The following CTNNBL1 variants were observed in gnomAD, a reference collection of about 807,000 sequenced individuals.
CTNNBL1 encodes beta-catenin-like protein 1.
Under a neutral mutation model 72.7 loss-of-function variants are expected in CTNNBL1, and 31 were observed. The ratio of observed to expected loss-of-function variants is 0.43; its 90% CI spans 0.32 to 0.58. The LOEUF is 0.58. Among genes scored for constraint, CTNNBL1 ranks in the 20% least tolerant of loss-of-function variants. The probability of loss-of-function intolerance (pLI) is 0.08; values close to 1 mark genes in which losing one functional copy is unlikely to be tolerated. For missense variants in CTNNBL1, 534 were observed against 725.1 expected, an observed-to-expected ratio of 0.74 and a Z score of 3.03; for synonymous variants, 240 against 267.3, an observed-to-expected ratio of 0.90 and a Z score of 1.00.
intron 11 of CTNNBL1, among the ~76,000 whole-genome samples, chr20:37,814,725 G>A (rs1252600045): frequency 6.6e-6 from 1 of 152,150 alleles, no homozygotes; most frequent in Middle Eastern, 3.4e-3. Context: ...TCTATAAAAA[G>A]ACAATAATGA....
intron 10 of CTNNBL1, among the ~76,000 whole-genome samples, chr20:37,797,998 A>G (rs1422137083): frequency 6.6e-6 from 1 of 152,110 alleles, no homozygotes; most frequent in Non-Finnish European, 1.5e-5. Flanking sequence ...CCTGACTCAG[A>G]CATGGTCAGC....
At chr20:37,727,507 G>GA in intron 1 of CTNNBL1, 1 of 189,404 alleles carries the variant, frequency 5.3e-6, no homozygotes, top group Non-Finnish European at 9.8e-6. Context: ...GTAAGGCAGG[G>GA]AATTGTAGAA....
intron 10 of CTNNBL1, among the ~76,000 whole-genome samples, chr20:37,801,884 T>C (rs904058423): frequency 3.3e-5 from 5 of 152,218 alleles, no homozygotes; most frequent in African/African-American, 1.2e-4. Context: ...ATAAGAAGCA[T>C]CTATATTAGA....
intron 15 of CTNNBL1, among the ~76,000 whole-genome samples, chr20:37,863,118 C>T (rs1013499515): frequency 6.6e-6 from 1 of 152,180 alleles, no homozygotes; most frequent in African/African-American, 2.4e-5. Context: ...ATGAATTTAA[C>T]GTAGCAAACA....
chr20:37,839,642 A>G (rs2072284655), intron 11 of CTNNBL1, among the ~76,000 whole-genome samples: 3 of 152,194 alleles, frequency 2.0e-5, no homozygotes, highest in South Asian at 2.1e-4. Flanking sequence ...CTGGGTCCCT[A>G]TCATATTTCA....
At chr20:37,722,392 T>C (rs2073048140) in intron 1 of CTNNBL1, among the ~76,000 whole-genome samples, 1 of 152,012 alleles carries the variant, frequency 6.6e-6, no homozygotes, top group African/African-American at 2.4e-5. Context: ...GGGAATTGCT[T>C]GAACCTGGGA....
chr20:37,823,699 A>G (rs1417066110), intron 11 of CTNNBL1, among the ~76,000 whole-genome samples: 1 of 152,360 alleles, frequency 6.6e-6, no homozygotes. Context: ...GAGGATTTTC[A>G]GAGGAGTGTG....
chr20:37,842,677 A>T (rs2072314888), intron 13 of CTNNBL1, among the ~76,000 whole-genome samples: 1 of 152,214 alleles, frequency 6.6e-6, no homozygotes, highest in Non-Finnish European at 1.5e-5. Flanking sequence ...CACCCTTGAC[A>T]AGAGCTTCTC....
chr20:37,747,825 C>T (rs1404958433), intron 4 of CTNNBL1, among the ~76,000 whole-genome samples: 1 of 152,088 alleles, frequency 6.6e-6, no homozygotes, highest in Non-Finnish European at 1.5e-5. Flanking sequence ...AGTGATTTTG[C>T]CTCAGCCTCT....
intron 11 of CTNNBL1, among the ~76,000 whole-genome samples, chr20:37,835,481 G>A (rs1378804360): frequency 3.3e-5 from 5 of 152,080 alleles, no homozygotes; most frequent in Non-Finnish European, 5.9e-5. Flanking sequence ...TTACTAAGTT[G>A]GATAATATGC....
At chr20:37,871,428 G>A (rs1296599405) in intron 15 of CTNNBL1, among the ~76,000 whole-genome samples, 2 of 152,154 alleles carry the variant, frequency 1.3e-5, no homozygotes, top group South Asian at 2.1e-4. Flanking sequence ...GCTGAGGGCC[G>A]TCCTATTGCA....
intron 1 of CTNNBL1, among the ~76,000 whole-genome samples, chr20:37,723,450 G>A (rs113496026): frequency 0.037 from 5,653 of 152,176 alleles, 146 homozygotes; most frequent in Middle Eastern, 0.11. Flanking sequence ...GGAATAAATG[G>A]TGCTTCTCTT....
chr20:37,772,417 T>G (rs1342944893), intron 7 of CTNNBL1, among the ~76,000 whole-genome samples: 5 of 152,150 alleles, frequency 3.3e-5, no homozygotes, highest in Non-Finnish European at 5.9e-5. Context: ...GTGGCGATCT[T>G]GGCTCACTGC....
intron 1 of CTNNBL1, among the ~76,000 whole-genome samples, chr20:37,697,607 G>A (rs907716768): frequency 2.0e-5 from 3 of 152,132 alleles, no homozygotes; most frequent in East Asian, 1.9e-4. Context: ...TGAGAGATAC[G>A]GTAGATACCT....
intron 1 of CTNNBL1, among the ~76,000 whole-genome samples, chr20:37,713,624 A>AC (rs1328741178): frequency 2.0e-5 from 3 of 152,124 alleles, no homozygotes; most frequent in Non-Finnish European, 4.4e-5. Flanking sequence ...GCTGGCCTTG[A>AC]GGTATTGCCT....
In CTNNBL1 at chr20:37,710,804, G is replaced by A. The variant is rs1377652535; in HGVS notation, c.30+16652G>A. Among the ~76,000 whole-genome samples, 3 of 152,064 alleles carry A rather than the reference G, an allele frequency of 2.0e-5. No individual in the cohort carries two copies. In the East Asian group the frequency reaches 5.8e-4, roughly 29 times the overall value. On this transcript the variant is annotated intron_variant, in intron 1 of 15. Transcript: ENST00000361383. Reference sequence around the variant, plus strand: ...TCCATATACACACACCCACAGGCCCGTGAAATCTAATTATATCGATCACCT... The same window carrying A: ...TCCATATACACACACCCACAGGCCCATGAAATCTAATTATATCGATCACCT...
chr20:37,739,328 A>G (rs1242051132), intron 3 of CTNNBL1, among the ~76,000 whole-genome samples: 1 of 152,144 alleles, frequency 6.6e-6, no homozygotes, highest in African/African-American at 2.4e-5. Context: ...TGGGTCATCT[A>G]ACAGATCTGT....
chr20:37,799,449 A>G lies in CTNNBL1; in HGVS notation c.1032-3418A>G, dbSNP rs117198707. Among the ~76,000 whole-genome samples the G allele has an allele frequency of 1.4e-3, 219 of 152,174 alleles. 3 individuals are homozygous for G. In the East Asian group the frequency reaches 0.016, roughly 11 times the overall value. ...CTACAGGCTGCACACACCTTTGCAC[A>G]TGCTGTACAGCCACCACTCCCAACA... On this transcript the variant is annotated intron_variant, in intron 10 of 15. Transcript: ENST00000361383.
intron 5 of CTNNBL1, among the ~76,000 whole-genome samples, chr20:37,758,890 G>A (rs1010774092): frequency 6.6e-6 from 1 of 152,170 alleles, no homozygotes; most frequent in Non-Finnish European, 1.5e-5. Context: ...TGGGGTCCCA[G>A]ATGATCCCGA....
Sources: gnomAD v4.1 joint callset for allele counts (sites outside exome capture counted in the v4.1 genomes callset) on GRCh38, gnomAD v4.1.1 for gene constraint, MANE v1.5 for transcripts, NCBI Gene and HGNC (gene_info 2026-07-23, HGNC 2026-07-21) for gene names.